Variants in EYA4 observed in about 807,000 individuals in gnomAD.
EYA4 encodes the protein protein phosphatase EYA4.
EYA4 carries 31 observed loss-of-function variants against 87.9 expected under a neutral mutation model. The ratio of observed to expected loss-of-function variants is 0.35; its 90% confidence interval spans 0.27 to 0.48. The LOEUF (loss-of-function observed/expected upper bound fraction) is 0.48. Ranked by LOEUF, EYA4 falls within the 20% of genes least tolerant of loss-of-function variation. The pLI is 0.99. For missense variants in EYA4, 678 were observed against 761.4 expected (o/e 0.89, Z 1.29); for synonymous variants, 263 against 270.6 (o/e 0.97, Z 0.28).
At chr6:133,289,392 A>C (rs1444212720) in intron 2 of EYA4, among the ~76,000 whole-genome samples, 1 of 152,084 alleles carries the variant, frequency 6.6e-6, no homozygotes, top group Non-Finnish European at 1.5e-5. Flanking sequence ...CCATTGTTAT[A>C]AAAAAATAGT....
chr6:133,362,516 T>G (rs1481946668), intron 2 of EYA4, among the ~76,000 whole-genome samples: 1 of 152,178 alleles, frequency 6.6e-6, no homozygotes, highest in Non-Finnish European at 1.5e-5. Flanking sequence ...GTTATAATAA[T>G]GGGGCAGTAA....
intron 2 of EYA4, among the ~76,000 whole-genome samples, chr6:133,309,413 T>A (rs1427764907): frequency 1.3e-5 from 2 of 152,164 alleles, no homozygotes; most frequent in Non-Finnish European, 2.9e-5. Flanking sequence ...CCATTTTAAC[T>A]TATTAGGCAG....
intron 2 of EYA4, among the ~76,000 whole-genome samples, chr6:133,284,189 T>C (rs1777850372): frequency 6.6e-6 from 1 of 152,190 alleles, no homozygotes; most frequent in Non-Finnish European, 1.5e-5. Flanking sequence ...TTTAAATTAT[T>C]CCACCGTGAT....
chr6:133,456,472 G>T lies in EYA4; in HGVS notation c.278-84G>T, dbSNP rs1401419420. 4 of 958,384 alleles carry T rather than the reference G, an allele frequency of 4.2e-6. No homozygotes were observed. In the Admixed American group the frequency reaches 5.1e-5, roughly 12 times the overall value. The allele number at this position is 958,384 out of a possible 1,614,324, so 59.4% of individuals were successfully genotyped here. A position where few individuals can be genotyped will look rare whatever the true frequency, so the allele number is the denominator to read the frequency against. On this transcript the variant is annotated intron_variant, in intron 5 of 19. Coordinates refer to ENST00000355286, the MANE Select transcript of EYA4 (RefSeq NM_004100.5). ...GGTTTTCTCTTGCATGCCCATGGTA[G>T]CTAGAAATATCACTAGTAGAACGGA...
chr6:133,413,402 A>T (rs1789415964), intron 3 of EYA4, among the ~76,000 whole-genome samples: 1 of 151,440 alleles, frequency 6.6e-6, no homozygotes, highest in African/African-American at 2.4e-5. Flanking sequence ...AGAGGTTACC[A>T]AAAACTTTTG....
chr6:133,511,773 C>G (rs1799161508), intron 14 of EYA4: 1 of 152,100 alleles, frequency 6.6e-6, no homozygotes, highest in African/African-American at 2.4e-5. Context: ...AGATCGAGAC[C>G]ATCCTGGCTA....
At chr6:133,294,023 T>TTATATATATATG (rs1554219339) in intron 2 of EYA4, among the ~76,000 whole-genome samples, 5 of 78,780 alleles carry the variant, frequency 6.3e-5, no homozygotes, top group Admixed American at 5.6e-4. Context: ...TAGGGTGATT[T>TTATATATATATG]TATATATATA....
intron 2 of EYA4, among the ~76,000 whole-genome samples, chr6:133,282,983 A>G (rs1777751691): frequency 6.6e-6 from 1 of 152,148 alleles, no homozygotes; most frequent in Non-Finnish European, 1.5e-5. Context: ...TAATAATTCT[A>G]TCTTATAAAT....
At chr6:133,282,042 T>G (rs9493579) in intron 2 of EYA4, among the ~76,000 whole-genome samples, 37,955 of 152,034 alleles carry the variant, frequency 0.25, 5,699 homozygotes, top group East Asian at 0.48. Flanking sequence ...AGTTGGTTCC[T>G]TGTCTTTGCT....
intron 13 of EYA4, among the ~76,000 whole-genome samples, chr6:133,497,642 G>T (rs1051050964): frequency 6.6e-6 from 1 of 152,176 alleles, no homozygotes; most frequent in African/African-American, 2.4e-5. Flanking sequence ...CATCCATCAC[G>T]TTAGAGTTTA....
rs911857233 is a variant in EYA4, at chr6:133,531,772, A to G, written c.*2967A>G. Reference sequence around the variant, plus strand: ...AAAAATGTTTTCTCCTTAGTCCGCAATGAGCTAAGATTCAGAATAGTGTCA... The same window carrying G: ...AAAAATGTTTTCTCCTTAGTCCGCAGTGAGCTAAGATTCAGAATAGTGTCA... On this transcript the variant is annotated 3_prime_UTR_variant, in exon 20 of 20. Transcript: ENST00000355286. 6.6e-6 allele frequency: 1 copy of G among 152,484 alleles called. No homozygotes were observed. Among genetic ancestry groups the G allele is most frequent in the African/African-American group, 2.4e-5 (1 of 41,460 alleles). 9.4% of individuals were successfully genotyped at this position (152,484 alleles called of 1,614,324 possible).
intron 2 of EYA4, among the ~76,000 whole-genome samples, chr6:133,289,378 GT>G (rs768513271): frequency 1.3e-5 from 2 of 152,176 alleles, no homozygotes; most frequent in African/African-American, 2.4e-5. Context: ...AAGATTTGCA[GT>G]AGCCATTGTT....
chr6:133,526,430 G>T (rs953428608), intron 19 of EYA4, among the ~76,000 whole-genome samples: 7 of 146,262 alleles, frequency 4.8e-5, no homozygotes, highest in African/African-American at 1.5e-4. Flanking sequence ...AAAGTTTATG[G>T]CTATAAGAGA....
intron 13 of EYA4, among the ~76,000 whole-genome samples, chr6:133,486,179 AAAAC>A (rs1197017652): frequency 1.3e-5 from 2 of 152,242 alleles, no homozygotes; most frequent in Admixed American, 6.5e-5. Flanking sequence ...AATTCCATGA[AAAAC>A]AACTTATATT....
At chr6:133,481,627 A>G in intron 12 of EYA4, 28 bp downstream of exon 12, 1 of 1,610,212 alleles carries the variant, frequency 6.2e-7, no homozygotes, top group Non-Finnish European at 8.5e-7. Context: ...TAAAGATTGT[A>G]GTGTGATGCT....
In EYA4 at chr6:133,241,631, C is replaced by G. The variant is rs1489175603; in HGVS notation, c.-184C>G. 1 of 152,278 alleles carries G rather than the reference C, an allele frequency of 6.6e-6. No homozygotes were observed. Among genetic ancestry groups the G allele is most frequent in the Non-Finnish European group, 1.5e-5 (1 of 68,142 alleles). The allele number at this position is 152,278 out of a possible 1,614,324, so 9.4% of individuals were successfully genotyped here. ...GGGGATGTCCTGTTTTCACCAGAGG[C>G]ACAGCGCGAAGGGGAAACTTCGACA... On this transcript the variant is annotated 5_prime_UTR_variant, in exon 1 of 20. Coordinates refer to ENST00000355286, the MANE Select transcript of EYA4 (RefSeq NM_004100.5).
intron 3 of EYA4, among the ~76,000 whole-genome samples, chr6:133,385,389 C>CTGTGTGTGTGTGTG (rs1189948869): frequency 3.1e-5 from 2 of 64,938 alleles, no homozygotes; most frequent in African/African-American, 7.7e-5. Flanking sequence ...TGTATGCTCT[C>CTGTGTGTGTGTGTG]TCTGTGTGTG....
chr6:133,441,514 A>G (rs1792289777), intron 3 of EYA4, among the ~76,000 whole-genome samples: 1 of 152,214 alleles, frequency 6.6e-6, no homozygotes, highest in Non-Finnish European at 1.5e-5. Context: ...GCACACCTGG[A>G]CAACAGAGGG....
In EYA4 at chr6:133,298,900, T is replaced by C. The variant is rs184108897; in HGVS notation, c.33+24087T>C. 3.2e-3 allele frequency among the ~76,000 whole-genome samples: 491 copies of C among 152,316 alleles called. 2 individuals are homozygous for C. The highest frequency in any genetic ancestry group is 5.2e-3 in the Non-Finnish European group (356 of 68,038). On this transcript the variant is annotated intron_variant, in intron 2 of 19. Transcript: ENST00000355286. Reference sequence around the variant, plus strand: ...GCCTTTTAGGGGCAGCACCCTTTGCTTTAAGGTCCATTTTGTTTGTATCCA... The same window carrying C: ...GCCTTTTAGGGGCAGCACCCTTTGCCTTAAGGTCCATTTTGTTTGTATCCA...
Sources: allele counts gnomAD v4.1 joint callset (sites outside exome capture counted in the v4.1 genomes callset), GRCh38; gene constraint gnomAD v4.1.1; transcripts MANE v1.5; gene names NCBI Gene and HGNC (gene_info 2026-07-23, HGNC 2026-07-21).